The following GALNT5 variants were observed in gnomAD, a reference collection of about 807,000 sequenced individuals.
GALNT5 encodes UDP-GalNAc:polypeptide N-acetylgalactosaminyltransferase 5.
In GALNT5, 72 loss-of-function variants were observed where a neutral mutation model predicts 85.4. The observed-to-expected ratio is 0.84, with a 90% CI of 0.70 to 1.03. The LOEUF (loss-of-function observed/expected upper bound fraction) is 1.03, where lower values mean the gene tolerates loss of function less well. GALNT5 is among the 50% of genes least tolerant of loss of function. The pLI is 0.00. For synonymous variants in GALNT5, 404 were observed against 397.0 expected, an observed-to-expected ratio of 1.02 and a Z score of -0.21; for missense variants, 1,137 against 1,135.5, an observed-to-expected ratio of 1.00 and a Z score of -0.02.
At chr2:157,261,578 C>G (rs915697935) in intron 1 of GALNT5, among the ~76,000 whole-genome samples, 1 of 152,198 alleles carries the variant, frequency 6.6e-6, no homozygotes, top group Non-Finnish European at 1.5e-5. Flanking sequence ...AGCTGCCTGG[C>G]GGATGCTACG....
rs1324628268 is a variant in GALNT5, at chr2:157,258,827, TC to T, written c.746del (p.Ser249LeufsTer7). 3.8e-6 allele frequency: 6 copies of T among 1,588,936 alleles called. No individual in the cohort carries two copies. The African/African-American group carries it at 8.1e-5, about 22-fold the overall frequency. Reference protein sequence around the residue: ...AHPASTAVPKSGEAMALNKTK... With the variant: ...AHPASTAVPKXGEAMALNKTK... ...CCCTGCCAGCACAGCAGTGCCGAAG[TC>T]TGGGGAAGCCATGGCCTTAAACAAA... On this transcript the variant is annotated frameshift_variant, in exon 1 of 10. Transcript: ENST00000259056. LOFTEE classifies it high-confidence loss of function.
chr2:157,268,450 C>T (rs905850251), intron 1 of GALNT5, among the ~76,000 whole-genome samples: 6 of 152,188 alleles, frequency 3.9e-5, no homozygotes, highest in African/African-American at 1.4e-4. Context: ...ATCGTAGGTT[C>T]TCACATGAGT....
chr2:157,263,261 G>T (rs1682388889), intron 1 of GALNT5, among the ~76,000 whole-genome samples: 1 of 148,096 alleles, frequency 6.8e-6, no homozygotes, highest in African/African-American at 2.7e-5. Flanking sequence ...CTCCAAGCTG[G>T]GCCCTTAGCA....
Position 157,312,966 on chromosome 2 carries a change from G to A in GALNT5, c.*1618G>A, listed in dbSNP as rs1355607955. ...GACTCCTAGTTTAACATTTAATTTT[G>A]ACTCCCAATGAGTTACGTAAAAGCA... On this transcript the variant is annotated 3_prime_UTR_variant, in exon 10 of 10. Transcript: ENST00000259056. 1 of 151,950 alleles carries A rather than the reference G, an allele frequency of 6.6e-6. No homozygotes were observed. The highest frequency in any genetic ancestry group is 6.6e-5 in the Admixed American group (1 of 15,254). 9.4% of individuals were successfully genotyped at this position (151,950 alleles called of 1,614,324 possible).
chr2:157,268,631 C>G (rs1416804789), intron 1 of GALNT5, among the ~76,000 whole-genome samples: 2 of 152,192 alleles, frequency 1.3e-5, no homozygotes, highest in Non-Finnish European at 2.9e-5. Context: ...CTAGAATGAA[C>G]TAAAAACTTA....
In GALNT5 at chr2:157,287,797, A is replaced by G. The variant is rs78404284; in HGVS notation, c.1741+1663A>G. ...ACATCAAACATTTGGGTTCATGTTC[A>G]TACATTTCTATGGAAGGATCTGTGC... is the stretch of plus-strand genomic sequence containing the variant. On this transcript the variant is annotated intron_variant, in intron 3 of 9. Transcript: ENST00000259056. Among the ~76,000 whole-genome samples the G allele has an allele frequency of 6.5e-3, 993 of 152,310 alleles. 9 individuals are homozygous for G. Among genetic ancestry groups the G allele is most frequent in the African/African-American group, 0.023 (946 of 41,566 alleles).
chr2:157,288,421 G>C (rs895697792), intron 3 of GALNT5, among the ~76,000 whole-genome samples: 26 of 152,302 alleles, frequency 1.7e-4, no homozygotes, highest in East Asian at 9.7e-4. Flanking sequence ...GGATACTCAA[G>C]AACTAGTTTA....
chr2:157,271,029 T>C (rs1446124365), intron 1 of GALNT5, among the ~76,000 whole-genome samples: 2 of 151,266 alleles, frequency 1.3e-5, no homozygotes, highest in African/African-American at 4.9e-5. Context: ...AGTAGGAGAA[T>C]GGCGTGAACC....
intron 1 of GALNT5, among the ~76,000 whole-genome samples, chr2:157,260,704 G>A (rs1253900462): frequency 6.6e-6 from 1 of 152,186 alleles, no homozygotes; most frequent in African/African-American, 2.4e-5. Context: ...ATTTTAGTCA[G>A]TGTTACTAGG....
chr2:157,263,845 G>A (rs1336335086), intron 1 of GALNT5, among the ~76,000 whole-genome samples: 1 of 151,928 alleles, frequency 6.6e-6, no homozygotes, highest in Non-Finnish European at 1.5e-5. Flanking sequence ...CTGATTTAAG[G>A]CAAATACATT....
In GALNT5 at chr2:157,258,984, T is replaced by C; in HGVS notation, c.902T>C (p.Leu301Ser). 15 of 1,499,748 alleles carry C rather than the reference T, an allele frequency of 1.0e-5. No homozygotes were observed. The highest frequency in any genetic ancestry group is 1.3e-5 in the Non-Finnish European group (15 of 1,124,256). The allele number at this position is 1,499,748 out of a possible 1,614,324, so 92.9% of individuals were successfully genotyped here. A position where few individuals can be genotyped will look rare whatever the true frequency, so the allele number is the denominator to read the frequency against. ...QSINETPLGS[L>S]SKDDGARGAH... The stretch of plus-strand genomic sequence containing the variant: ...ATTAATGAGACACCTTTGGGAAGTT[T>C]GTCAAAGGATGATGGAGCTAGAGGG... Residue 301 changes from leucine to serine, a missense_variant, in exon 1 of 10, where the codon TTG becomes TCG. By Grantham distance (145) the Leu-to-Ser change is moderately radical (BLOSUM62 -2). Coordinates refer to ENST00000259056, the MANE Select transcript of GALNT5 (RefSeq NM_014568.3).
intron 1 of GALNT5, among the ~76,000 whole-genome samples, chr2:157,275,006 T>A (rs1379669575): frequency 1.3e-5 from 2 of 152,252 alleles, no homozygotes; most frequent in African/African-American, 4.8e-5. Flanking sequence ...TTAATTTTTG[T>A]ATAAAGTGTA....
chr2:157,274,680 G>T (rs1015184354), intron 1 of GALNT5, among the ~76,000 whole-genome samples: 1 of 151,770 alleles, frequency 6.6e-6, no homozygotes, highest in Non-Finnish European at 1.5e-5. Context: ...GGGGTTGTTT[G>T]TTTTTTTTCT....
At position 157,314,500 on chromosome 2, in the gene GALNT5, G is replaced by A. The variant is rs1683651904; in HGVS notation, c.*3152G>A. The stretch of plus-strand genomic sequence containing the variant: ...TGTCATTCACAGCAAACCACCATGT[G>A]CCATGATCACAATGTATTATTAGCT... On this transcript the variant is annotated 3_prime_UTR_variant, in exon 10 of 10. Coordinates refer to ENST00000259056, the MANE Select transcript of GALNT5 (RefSeq NM_014568.3). Among the ~76,000 whole-genome samples, 1 of 152,134 alleles carries A rather than the reference G, an allele frequency of 6.6e-6. No individual in the cohort carries two copies. Among genetic ancestry groups the A allele is most frequent in the Non-Finnish European group, 1.5e-5 (1 of 68,026 alleles).
intron 3 of GALNT5, among the ~76,000 whole-genome samples, chr2:157,291,388 T>C (rs907920191): frequency 1.8e-4 from 28 of 152,232 alleles, no homozygotes; most frequent in African/African-American, 6.5e-4. Flanking sequence ...GACATCTGTC[T>C]GCAAACTTTT....
intron 3 of GALNT5, among the ~76,000 whole-genome samples, chr2:157,290,104 T>TAC (rs1558898717): frequency 1.4e-5 from 2 of 143,426 alleles, no homozygotes; most frequent in African/African-American, 5.6e-5. Context: ...TATATATATA[T>TAC]ATATATATAC....
At chr2:157,301,616 G>T (rs1683344654) in intron 7 of GALNT5, 1 of 153,604 alleles carries the variant, frequency 6.5e-6, no homozygotes, top group Non-Finnish European at 1.5e-5. Flanking sequence ...CCAGATGAAG[G>T]TGAAGAGGAA....
rs141207490 is a variant in GALNT5 at position 157,296,418 on chromosome 2, A to T, written c.1902A>T (p.Gln634His). ...GTTACATGACAGTGGATAACTTTCAAAGAGGCATCTTTGTGTGGCCCATGA... is the reference window on the plus strand; with the variant it reads ...GTTACATGACAGTGGATAACTTTCATAGAGGCATCTTTGTGTGGCCCATGA... Reference protein sequence around the residue: ...DMSYMTVDNFQRGIFVWPMNF... With the variant: ...DMSYMTVDNFHRGIFVWPMNF... Residue 634 changes from glutamine to histidine, a missense_variant, in exon 5 of 10, where the codon CAA becomes CAT. By Grantham distance (24) the Gln-to-His change is conservative (BLOSUM62 0). Coordinates refer to ENST00000259056, the MANE Select transcript of GALNT5 (RefSeq NM_014568.3). 21 of 1,610,340 alleles carry T rather than the reference A, an allele frequency of 1.3e-5. No individual in the cohort carries two copies. Among genetic ancestry groups the T allele is most frequent in the Non-Finnish European group, 1.4e-5 (16 of 1,176,774 alleles).
intron 8 of GALNT5, among the ~76,000 whole-genome samples, chr2:157,307,159 C>T (rs1437846557): frequency 6.6e-6 from 1 of 152,070 alleles, no homozygotes; most frequent in Non-Finnish European, 1.5e-5. Flanking sequence ...ATGCAGGCTT[C>T]GACTTCCACA....
Sources: gnomAD v4.1 joint callset for allele counts (sites outside exome capture counted in the v4.1 genomes callset) on GRCh38, gnomAD v4.1.1 for gene constraint, MANE v1.5 for transcripts, NCBI Gene and HGNC (gene_info 2026-07-23, HGNC 2026-07-21) for gene names.